Variants in MYO18B observed in about 807,000 individuals in gnomAD.
MYO18B encodes the protein unconventional myosin-XVIIIb.
A neutral mutation model predicts 273.0 loss-of-function variants in MYO18B; 204 were observed. The observed-to-expected ratio is 0.75, with a 90% CI of 0.67 to 0.84. MYO18B has a LOEUF of 0.84. Ranked by LOEUF, MYO18B falls within the 40% of genes least tolerant of loss-of-function variation. MYO18B has a pLI of 0.00. For synonymous variants in MYO18B, 1,330 were observed against 1,305.7 expected, an observed-to-expected ratio of 1.02 and a Z score of -0.40; for missense variants, 3,212 against 3,287.6, an observed-to-expected ratio of 0.98 and a Z score of 0.56.
intron 21 of MYO18B, among the ~76,000 whole-genome samples, chr22:25,854,186 C>G (rs1351200249): frequency 6.6e-6 from 1 of 152,282 alleles, no homozygotes; most frequent in South Asian, 2.1e-4. Flanking sequence ...GTTGGTGTTT[C>G]ATGCCAAGAC....
intron 31 of MYO18B, 129 bp from the exon 32 acceptor site, chr22:25,908,193 G>A: frequency 1.4e-6 from 1 of 692,602 alleles, no homozygotes; most frequent in Middle Eastern, 2.4e-4. Context: ...AGGATGCCTA[G>A]GGCAATAACT....
rs577075409 is a variant in MYO18B at position 25,893,233 on chromosome 22, A to T, written c.4543+1821A>T. 2.0e-5 allele frequency among the ~76,000 whole-genome samples: 3 copies of T among 152,360 alleles called. No homozygotes were observed. The South Asian group carries it at 6.2e-4, about 32-fold the overall frequency. ...TATTTAAAAAAATATGTTTTCCTTT[A>T]TGCATGGCTAAATATTTAAAGAGAA... is the stretch of plus-strand genomic sequence containing the variant. On this transcript the variant is annotated intron_variant, in intron 27 of 43. Transcript: ENST00000335473.
At chr22:25,999,233 G>A (rs114264555) in intron 40 of MYO18B, among the ~76,000 whole-genome samples, 36 of 152,124 alleles carry the variant, frequency 2.4e-4, no homozygotes, top group East Asian at 3.9e-4. Context: ...ATGGCCAAGC[G>A]TTGTTGTCAT....
intron 12 of MYO18B, among the ~76,000 whole-genome samples, chr22:25,820,269 A>T (rs1347842973): frequency 6.6e-6 from 1 of 151,816 alleles, no homozygotes; most frequent in Non-Finnish European, 1.5e-5. Context: ...CATTAGGAGG[A>T]TGTCAGTAAG....
At chr22:25,867,931 A>G (rs1880681063) in intron 21 of MYO18B, among the ~76,000 whole-genome samples, 1 of 152,072 alleles carries the variant, frequency 6.6e-6, no homozygotes, top group South Asian at 2.1e-4. Context: ...GCGCCCGGCC[A>G]AGACTCTGAT....
chr22:25,781,887 A>G (rs1601677398), intron 10 of MYO18B, 53 bp downstream of exon 10: 2 of 1,264,812 alleles, frequency 1.6e-6, no homozygotes, highest in East Asian at 2.8e-5. Context: ...CAAAGGGCAC[A>G]TGTTCTTTGG....
intron 40 of MYO18B, among the ~76,000 whole-genome samples, chr22:26,001,159 T>C (rs1308279068): frequency 6.6e-6 from 1 of 152,210 alleles, no homozygotes; most frequent in Non-Finnish European, 1.5e-5. Context: ...TCATGCCTGC[T>C]GTCTGCTTCT....
chr22:25,973,062 T>C (rs147555673), intron 39 of MYO18B, among the ~76,000 whole-genome samples: 1 of 152,164 alleles, frequency 6.6e-6, no homozygotes, highest in Non-Finnish European at 1.5e-5. Flanking sequence ...TATTACTGAT[T>C]TGTTTTTTTG....
chr22:25,860,005 T>C (rs527693634), intron 21 of MYO18B, among the ~76,000 whole-genome samples: 36 of 152,352 alleles, frequency 2.4e-4, no homozygotes, highest in Admixed American at 4.6e-4. Flanking sequence ...TGTGTTAATT[T>C]TGTGTATGGT....
intron 1 of MYO18B, among the ~76,000 whole-genome samples, chr22:25,745,107 G>A (rs1319645704): frequency 6.6e-6 from 1 of 152,060 alleles, no homozygotes; most frequent in Non-Finnish European, 1.5e-5. Flanking sequence ...AATAAATTGC[G>A]TCTTATTTTA....
chr22:25,884,308 C>T (rs2091432904), intron 25 of MYO18B, among the ~76,000 whole-genome samples: 1 of 152,120 alleles, frequency 6.6e-6, no homozygotes, highest in Non-Finnish European at 1.5e-5. Context: ...GGTAACTGAG[C>T]CCAGACCACA....
chr22:25,855,347 G>A (rs185051848), intron 21 of MYO18B, among the ~76,000 whole-genome samples: 6 of 147,242 alleles, frequency 4.1e-5, no homozygotes, highest in African/African-American at 1.5e-4. Context: ...GCGGTGGCAC[G>A]ATCTTGGCTC....
chr22:25,946,340 G>A, intron 35 of MYO18B, 90 bp downstream of exon 35: 1 of 803,610 alleles, frequency 1.2e-6, no homozygotes, highest in Non-Finnish European at 1.9e-6. Context: ...AGCACTATAG[G>A]AAGTATGAGG....
chr22:25,943,361 C>T (rs571507801), intron 34 of MYO18B, among the ~76,000 whole-genome samples: 1 of 152,346 alleles, frequency 6.6e-6, no homozygotes, highest in South Asian at 2.1e-4. Flanking sequence ...TGGCGATCCC[C>T]TCACTGGCTG....
At chr22:25,838,459 C>G (rs781609650) in intron 17 of MYO18B, among the ~76,000 whole-genome samples, 82 of 152,192 alleles carry the variant, frequency 5.4e-4, no homozygotes, top group Admixed American at 1.0e-3. Flanking sequence ...CTCGGCCTCC[C>G]AAAGTGCTAG....
At chr22:25,942,196 T>C (rs1280233866) in intron 34 of MYO18B, among the ~76,000 whole-genome samples, 1 of 152,222 alleles carries the variant, frequency 6.6e-6, no homozygotes, top group Non-Finnish European at 1.5e-5. Context: ...CAGGTCTGGC[T>C]CCAGTGCCCA....
At chr22:25,903,884 G>A (rs1023228286) in intron 31 of MYO18B, 53 bp downstream of exon 31, 2 of 1,535,184 alleles carry the variant, frequency 1.3e-6, no homozygotes, top group Non-Finnish European at 1.8e-6. Context: ...CCAATGCAGA[G>A]TGATGTTATT....
intron 34 of MYO18B, among the ~76,000 whole-genome samples, chr22:25,932,685 C>T (rs1390218889): frequency 6.6e-6 from 1 of 152,142 alleles, no homozygotes. Flanking sequence ...GCTGGGATTA[C>T]AGGTGTGAGC....
intron 21 of MYO18B, among the ~76,000 whole-genome samples, chr22:25,867,967 C>G (rs536641278): frequency 6.6e-6 from 1 of 152,282 alleles, no homozygotes; most frequent in African/African-American, 2.4e-5. Flanking sequence ...TATATACACA[C>G]AAGTGGGATG....
Sources: allele counts gnomAD v4.1 joint callset (sites outside exome capture counted in the v4.1 genomes callset), GRCh38; gene constraint gnomAD v4.1.1; transcripts MANE v1.5; gene names NCBI Gene and HGNC (gene_info 2026-07-23, HGNC 2026-07-21).